Variants in VOPP1 observed in about 807,000 individuals in gnomAD.
VOPP1 encodes VOPP1 WW domain binding protein, also known as WW domain binding protein VOPP1.
In VOPP1, 8 loss-of-function variants were observed where a neutral mutation model predicts 23.5. The observed-to-expected ratio is 0.34, with a 90% CI of 0.20 to 0.61. The LOEUF (loss-of-function observed/expected upper bound fraction) is 0.61, where lower values mean the gene tolerates loss of function less well. VOPP1 is among the 20% of genes least tolerant of loss of function. The pLI is 0.78. For synonymous variants in VOPP1, 83 were observed against 97.3 expected (o/e 0.85, Z 0.86); for missense variants, 174 against 238.1 (o/e 0.73, Z 1.77).
intron 4 of VOPP1, among the ~76,000 whole-genome samples, chr7:55,441,485 T>C (rs762812106): frequency 6.6e-6 from 1 of 152,240 alleles, no homozygotes; most frequent in Non-Finnish European, 1.5e-5. Flanking sequence ...TTAGACCCTC[T>C]GGGTTCCAAT....
In VOPP1 at chr7:55,490,024, G is replaced by C. The variant is rs1453284331; in HGVS notation, c.328+2258C>G. On this transcript the variant is annotated intron_variant, in intron 4 of 4. Transcript: ENST00000285279. ...CCTCAGTGCGATGCAGGACTAGAGAGAGGAGGTCGCTCAAACTGGACACAG... is the reference window on the plus strand; with the variant it reads ...CCTCAGTGCGATGCAGGACTAGAGACAGGAGGTCGCTCAAACTGGACACAG... 2.0e-5 allele frequency among the ~76,000 whole-genome samples: 3 copies of C among 152,044 alleles called. No individual in the cohort carries two copies. The East Asian group carries it at 5.8e-4, about 30-fold the overall frequency.
At chr7:55,517,924 C>G (rs1024441271) in intron 2 of VOPP1, among the ~76,000 whole-genome samples, 1 of 152,178 alleles carries the variant, frequency 6.6e-6, no homozygotes, top group Admixed American at 6.5e-5. Context: ...CAAGCCACCC[C>G]ATGTGTGCTG....
intron 1 of VOPP1, among the ~76,000 whole-genome samples, chr7:55,569,658 C>T (rs1798283925): frequency 6.6e-6 from 1 of 152,078 alleles, no homozygotes; most frequent in Admixed American, 6.5e-5. Flanking sequence ...TAGAACAGTG[C>T]CTGGCAGTTA....
chr7:55,519,295 CCT>C (rs1193917149), intron 2 of VOPP1, among the ~76,000 whole-genome samples: 8 of 152,198 alleles, frequency 5.3e-5, no homozygotes, highest in Non-Finnish European at 1.0e-4. Flanking sequence ...TTTTGTATCC[CCT>C]GTCTCCAGTT....
At chr7:55,512,155 A>G (rs146113537) in intron 2 of VOPP1, among the ~76,000 whole-genome samples, 71 of 152,334 alleles carry the variant, frequency 4.7e-4, no homozygotes, top group African/African-American at 1.6e-3. Flanking sequence ...AGCTGGGAGC[A>G]GTGGCTCACA....
chr7:55,572,016 C>A, intron 1 of VOPP1: 1 of 413,804 alleles, frequency 2.4e-6, no homozygotes. Context: ...GCGCGGGAAA[C>A]GCGCTCACCC....
chr7:55,485,267 C>T (rs1793048616), intron 4 of VOPP1, among the ~76,000 whole-genome samples: 1 of 152,220 alleles, frequency 6.6e-6, no homozygotes, highest in Non-Finnish European at 1.5e-5. Context: ...GCTTCTCCTC[C>T]ACAGGGAACC....
chr7:55,563,741 T>C (rs574528588), intron 1 of VOPP1, among the ~76,000 whole-genome samples: 1 of 152,344 alleles, frequency 6.6e-6, no homozygotes, highest in African/African-American at 2.4e-5. Context: ...GTGTGAAATT[T>C]TCCACCTGTA....
chr7:55,473,668 C>A (rs1792014843), intron 4 of VOPP1, among the ~76,000 whole-genome samples: 1 of 152,212 alleles, frequency 6.6e-6, no homozygotes, highest in East Asian at 1.9e-4. Context: ...ACACCCGACC[C>A]CAAATCTAGC....
intron 4 of VOPP1, among the ~76,000 whole-genome samples, chr7:55,479,630 T>C (rs1477027015): frequency 1.3e-5 from 2 of 152,244 alleles, no homozygotes; most frequent in African/African-American, 4.8e-5. Context: ...TAGAGCAATA[T>C]TAAATATTAT....
At chr7:55,445,241 A>G (rs1791069365) in intron 4 of VOPP1, among the ~76,000 whole-genome samples, 1 of 129,444 alleles carries the variant, frequency 7.7e-6, no homozygotes, top group Non-Finnish European at 1.6e-5. Flanking sequence ...ACACACACAC[A>G]CAGACACACA....
chr7:55,479,150 C>CTTTTTTT (rs56389484), intron 4 of VOPP1, among the ~76,000 whole-genome samples: 1 of 145,616 alleles, frequency 6.9e-6, no homozygotes, highest in Non-Finnish European at 1.5e-5. Flanking sequence ...AGAACATTTT[C>CTTTTTTT]TTTTTTTTTT....
intron 4 of VOPP1, among the ~76,000 whole-genome samples, chr7:55,486,513 TGTC>T (rs1179387772): frequency 2.6e-5 from 4 of 152,114 alleles, no homozygotes; most frequent in African/African-American, 9.7e-5. Context: ...AGAGACAGAA[TGTC>T]AGATGCACAG....
chr7:55,530,188 C>G (rs1400282780), intron 1 of VOPP1, among the ~76,000 whole-genome samples: 1 of 152,128 alleles, frequency 6.6e-6, no homozygotes, highest in Admixed American at 6.5e-5. Context: ...TCCAAGGCAG[C>G]TGCACTACTT....
At chr7:55,536,752 C>T (rs1584065800) in intron 1 of VOPP1, among the ~76,000 whole-genome samples, 2 of 152,174 alleles carry the variant, frequency 1.3e-5, no homozygotes, top group East Asian at 1.9e-4. Context: ...GGCCCAGGCA[C>T]GGAGCGTGAC....
chr7:55,513,561 C>T (rs1795218405), intron 2 of VOPP1, among the ~76,000 whole-genome samples: 1 of 152,102 alleles, frequency 6.6e-6, no homozygotes, highest in Non-Finnish European at 1.5e-5. Flanking sequence ...ACCCAAATGC[C>T]CTGCAGCTCT....
intron 1 of VOPP1, among the ~76,000 whole-genome samples, chr7:55,564,548 C>A (rs1487484950): frequency 6.6e-6 from 1 of 152,158 alleles, no homozygotes; most frequent in Non-Finnish European, 1.5e-5. Context: ...TAAGAGCCAA[C>A]TATGATCACA....
At chr7:55,497,563 G>GC (rs770730198) in intron 3 of VOPP1, 50 bp downstream of exon 3, 5 of 1,408,464 alleles carry the variant, frequency 3.5e-6, no homozygotes, top group Non-Finnish European at 4.9e-6. Context: ...ATGGGGGGGG[G>GC]GGGGGGGCAG....
intron 2 of VOPP1, among the ~76,000 whole-genome samples, chr7:55,516,935 T>TATA (rs1562947755): frequency 2.3e-5 from 1 of 43,896 alleles, no homozygotes; most frequent in Non-Finnish European, 4.5e-5. Flanking sequence ...TATATATATT[T>TATA]TTTTTTTTTT....
Sources: gnomAD v4.1 joint callset for allele counts (sites outside exome capture counted in the v4.1 genomes callset) on GRCh38, gnomAD v4.1.1 for gene constraint, MANE v1.5 for transcripts, NCBI Gene and HGNC (gene_info 2026-07-23, HGNC 2026-07-21) for gene names.